AVEN: variants seen among roughly 807,000 people sequenced by gnomAD.
AVEN encodes apoptosis and caspase activation inhibitor.
AVEN carries 41 observed loss-of-function variants against 38.1 expected under a neutral mutation model. That is an observed-to-expected ratio of 1.08 (90% CI 0.84 to 1.40). The LOEUF is 1.40. AVEN is among the 40% of genes most tolerant of loss of function. The pLI is 0.00. For synonymous variants in AVEN, 206 were observed against 171.8 expected (o/e 1.20, Z -1.56); for missense variants, 605 against 438.8 (o/e 1.38, Z -3.38).
At chr15:33,984,098 G>C (rs1420448459) in intron 2 of AVEN, among the ~76,000 whole-genome samples, 1 of 151,994 alleles carries the variant, frequency 6.6e-6, no homozygotes, top group African/African-American at 2.4e-5. Context: ...AAGAGAAAAA[G>C]GACATCAGTG....
At chr15:33,911,604 T>C (rs1356584572) in intron 2 of AVEN, among the ~76,000 whole-genome samples, 2 of 152,152 alleles carry the variant, frequency 1.3e-5, no homozygotes, top group African/African-American at 4.8e-5. Context: ...CCCAGGGTCA[T>C]GATATTTAAA....
intron 2 of AVEN, among the ~76,000 whole-genome samples, chr15:33,910,861 T>C (rs1892890963): frequency 6.6e-6 from 1 of 152,186 alleles, no homozygotes; most frequent in Non-Finnish European, 1.5e-5. Flanking sequence ...TGCTGACTAG[T>C]TATCACTCAA....
At chr15:33,854,880 A>G, downstream of AVEN, 1 of 1,612,874 alleles carries the variant, frequency 6.2e-7, no homozygotes, top group Non-Finnish European at 8.5e-7. Context: ...ACTGAGGACC[A>G]TTCTGTCATC....
intron 1 of AVEN, among the ~76,000 whole-genome samples, chr15:34,010,423 A>C (rs150137306): frequency 1.3e-5 from 2 of 152,302 alleles, no homozygotes; most frequent in East Asian, 1.9e-4. Context: ...AGAAGTTATT[A>C]ATACTAATAA....
intron 2 of AVEN, among the ~76,000 whole-genome samples, chr15:33,893,198 G>T (rs915097586): frequency 6.6e-6 from 1 of 152,106 alleles, no homozygotes; most frequent in African/African-American, 2.4e-5. Flanking sequence ...TTTCCTAACT[G>T]AATACCCTTT....
At chr15:34,040,699 G>A (rs900110228), upstream of AVEN, among the ~76,000 whole-genome samples, 5 of 151,916 alleles carry the variant, frequency 3.3e-5, no homozygotes, top group Non-Finnish European at 5.9e-5. Flanking sequence ...AGGCTGTGGC[G>A]GGTGGATTGC....
intron 2 of AVEN, among the ~76,000 whole-genome samples, chr15:33,965,930 TA>T (rs11300630): frequency 0.92 from 140,473 of 151,932 alleles, 65,707 homozygotes; most frequent in Non-Finnish European, 1. Context: ...AGCTTTTTAT[TA>T]AAAAAAAAGA....
chr15:33,910,474 T>C (rs1241915812), intron 2 of AVEN, among the ~76,000 whole-genome samples: 3 of 152,164 alleles, frequency 2.0e-5, no homozygotes, highest in East Asian at 1.9e-4. Flanking sequence ...GTGGAAGAAA[T>C]TGGGACGTGA....
chr15:33,880,824 A>C (rs549184867), intron 2 of AVEN, among the ~76,000 whole-genome samples: 1 of 152,322 alleles, frequency 6.6e-6, no homozygotes, highest in Non-Finnish European at 1.5e-5. Flanking sequence ...CATGGATTTT[A>C]TAATTTTGCC....
intron 2 of AVEN, among the ~76,000 whole-genome samples, chr15:33,964,074 C>T (rs1895298563): frequency 1.3e-5 from 2 of 149,406 alleles, no homozygotes; most frequent in Non-Finnish European, 3.0e-5. Flanking sequence ...TCCCCACTAG[C>T]CTACAGGGTT....
intron 1 of AVEN, among the ~76,000 whole-genome samples, chr15:34,029,362 G>A (rs1286553484): frequency 3.9e-5 from 6 of 152,042 alleles, no homozygotes; most frequent in Non-Finnish European, 7.3e-5. Context: ...TCCCTTGGCT[G>A]ACTACCAGAA....
downstream of AVEN, among the ~76,000 whole-genome samples, chr15:33,864,487 G>A (rs1259952126): frequency 6.6e-6 from 1 of 152,136 alleles, no homozygotes; most frequent in Non-Finnish European, 1.5e-5. Flanking sequence ...GAAATGGAGT[G>A]GGTGGCTGCA....
At chr15:33,924,550 G>A (rs180955994) in intron 2 of AVEN, among the ~76,000 whole-genome samples, 1 of 151,998 alleles carries the variant, frequency 6.6e-6, no homozygotes, top group South Asian at 2.1e-4. Flanking sequence ...TTCAACACCT[G>A]GGCTCAAGCC....
chr15:33,856,470 A>C (rs1286113747), downstream of AVEN: 1 of 152,318 alleles, frequency 6.6e-6, no homozygotes, highest in Non-Finnish European at 1.5e-5. Flanking sequence ...GCCTGGAAGT[A>C]AGCGTGCCCT....
chr15:34,024,774 T>A (rs1460285204), intron 1 of AVEN, among the ~76,000 whole-genome samples: 1 of 149,690 alleles, frequency 6.7e-6, no homozygotes, highest in Non-Finnish European at 1.5e-5. Flanking sequence ...GGCAGGAGAA[T>A]AGCTTGAACC....
chr15:33,954,914 A>G (rs1452824153), intron 2 of AVEN, among the ~76,000 whole-genome samples: 2 of 152,196 alleles, frequency 1.3e-5, no homozygotes, highest in East Asian at 1.9e-4. Flanking sequence ...TTTTCTACCC[A>G]GAAAAGTCCT....
At chr15:33,862,686 C>T (rs1380405732), downstream of AVEN, among the ~76,000 whole-genome samples, 22 of 152,044 alleles carry the variant, frequency 1.4e-4, no homozygotes, top group Admixed American at 1.4e-3. Context: ...TCTTGGCTCA[C>T]TGTAGCCTCC....
upstream of AVEN, among the ~76,000 whole-genome samples, chr15:34,040,459 G>C (rs1899422148): frequency 6.6e-6 from 1 of 152,206 alleles, no homozygotes; most frequent in Admixed American, 6.5e-5. Context: ...GTCAACTCCA[G>C]AGAAACAGTC....
At chr15:33,915,243 G>T (rs1893084975) in intron 2 of AVEN, among the ~76,000 whole-genome samples, 1 of 152,120 alleles carries the variant, frequency 6.6e-6, no homozygotes, top group Admixed American at 6.5e-5. Flanking sequence ...AAGAACTACT[G>T]CAGGAACATA....
Sources: gnomAD v4.1 joint callset for allele counts (sites outside exome capture counted in the v4.1 genomes callset) on GRCh38, gnomAD v4.1.1 for gene constraint, MANE v1.5 for transcripts, NCBI Gene and HGNC (gene_info 2026-07-23, HGNC 2026-07-21) for gene names.